The following PDHX variants were observed in gnomAD, a reference collection of about 807,000 sequenced individuals.
PDHX encodes the protein pyruvate dehydrogenase complex component X.
PDHX carries 33 observed loss-of-function variants against 55.3 expected under a neutral mutation model. That is an observed-to-expected ratio of 0.60 (90% CI 0.45 to 0.80). The LOEUF (loss-of-function observed/expected upper bound fraction) is 0.80. Ranked by LOEUF, PDHX falls within the 30% of genes least tolerant of loss-of-function variation. The pLI is 0.00. For missense variants in PDHX, 622 were observed against 619.9 expected (o/e 1.00, Z -0.04); for synonymous variants, 226 against 219.4 (o/e 1.03, Z -0.27).
intron 2 of PDHX, among the ~76,000 whole-genome samples, chr11:34,934,617 G>T (rs1854262646): frequency 9.1e-6 from 1 of 109,784 alleles, no homozygotes; most frequent in Non-Finnish European, 1.7e-5. Flanking sequence ...TCACTCTGTT[G>T]CCCAGCCTGG....
At chr11:34,949,852 A>G (rs1439221565) in intron 3 of PDHX, among the ~76,000 whole-genome samples, 1 of 152,192 alleles carries the variant, frequency 6.6e-6, no homozygotes, top group Non-Finnish European at 1.5e-5. Context: ...CTAGCAATAT[A>G]TTTATTGATA....
chr11:34,952,540 G>A (rs186234756), intron 3 of PDHX, among the ~76,000 whole-genome samples: 6 of 150,046 alleles, frequency 4.0e-5, no homozygotes, highest in Admixed American at 2.6e-4. Context: ...TTCAAGATAC[G>A]CAAATCAATA....
At chr11:34,915,988 C>A (rs1853672138), upstream of PDHX, 1 of 588,564 alleles carries the variant, frequency 1.7e-6, no homozygotes, top group Admixed American at 3.1e-5. Context: ...TTCTTTCCAA[C>A]GTTTGGCGCC....
At chr11:34,972,260 A>G (rs1026995439) in intron 7 of PDHX, among the ~76,000 whole-genome samples, 4 of 149,888 alleles carry the variant, frequency 2.7e-5, no homozygotes, top group Non-Finnish European at 5.9e-5. Context: ...CTTTCAGTTT[A>G]CTTTGCTCTT....
At chr11:34,916,027 G>A (rs1853673671), upstream of PDHX, 1 of 661,674 alleles carries the variant, frequency 1.5e-6, no homozygotes, top group Admixed American at 3.1e-5. Flanking sequence ...CGCCCCGCCC[G>A]AGACCACTGA....
At chr11:34,932,049 A>G (rs915899829) in intron 2 of PDHX, among the ~76,000 whole-genome samples, 2 of 152,188 alleles carry the variant, frequency 1.3e-5, no homozygotes, top group African/African-American at 2.4e-5. Context: ...TAGAGAATAA[A>G]GAAATAGATG....
In PDHX at chr11:34,966,660, A is replaced by G. The variant is rs996382530; in HGVS notation, c.662A>G (p.Gln221Arg). The change falls in exon 6 of 11, where the codon CAG becomes CGG. Residue 221 changes from glutamine (Q) to arginine (R), a missense_variant. Gln to Arg is a conservative substitution (Grantham distance 43). Transcript: ENST00000227868. ...TCCAGGGATGCTCTCAAACTTGTCC[A>G]GTTGAAACAAACGGGCAAGATTACC... ...FTKEDALKLV[Q>R]LKQTGKITES... is the part of the protein sequence containing the mutation. The G allele has an allele frequency of 2.4e-5, 39 of 1,613,972 alleles. No individual in the cohort carries two copies. Among genetic ancestry groups the G allele is most frequent in the Non-Finnish European group, 3.1e-5 (36 of 1,180,018 alleles).
intron 3 of PDHX, among the ~76,000 whole-genome samples, chr11:34,952,562 A>G (rs10734430): frequency 0.8 from 120,168 of 149,554 alleles, 48,475 homozygotes; most frequent in African/African-American, 0.84. Context: ...ATGTAATCCA[A>G]CATATACACA....
chr11:34,966,289 A>T (rs1855129300), intron 5 of PDHX, among the ~76,000 whole-genome samples: 1 of 152,216 alleles, frequency 6.6e-6, no homozygotes, highest in Non-Finnish European at 1.5e-5. Flanking sequence ...TTATTTCATG[A>T]GTATAAAGGA....
At chr11:34,992,271 A>G (rs554076084) in intron 9 of PDHX, 44 bp from the exon 10 acceptor site, 5 of 1,091,246 alleles carry the variant, frequency 4.6e-6, no homozygotes, top group East Asian at 2.4e-5. Context: ...GATCAACTGT[A>G]TAACATTTTG....
chr11:34,989,283 G>T (rs191487527), intron 9 of PDHX, among the ~76,000 whole-genome samples: 1 of 152,224 alleles, frequency 6.6e-6, no homozygotes, highest in Non-Finnish European at 1.5e-5. Flanking sequence ...ATGACTGCAT[G>T]TATAGAGTTC....
intron 1 of PDHX, among the ~76,000 whole-genome samples, chr11:34,924,687 G>GT (rs1016912627): frequency 1.4e-4 from 21 of 152,004 alleles, no homozygotes; most frequent in African/African-American, 5.1e-4. Context: ...TTCTCCTTGA[G>GT]TTTTTTTAAA....
chr11:34,927,638 C>G (rs1415085076), intron 1 of PDHX, among the ~76,000 whole-genome samples: 1 of 151,966 alleles, frequency 6.6e-6, no homozygotes, highest in Non-Finnish European at 1.5e-5. Flanking sequence ...ATATAGTGTT[C>G]TAATCAAAAG....
chr11:34,965,653 T>C (rs901675950), intron 5 of PDHX, among the ~76,000 whole-genome samples: 3 of 152,146 alleles, frequency 2.0e-5, no homozygotes, highest in African/African-American at 7.2e-5. Context: ...GCAGGAATAT[T>C]GGGGCCATCT....
intron 9 of PDHX, among the ~76,000 whole-genome samples, chr11:34,990,547 A>T (rs186684181): frequency 1.9e-3 from 292 of 152,298 alleles, no homozygotes; most frequent in Non-Finnish European, 3.2e-3. Flanking sequence ...GTAGTTCATC[A>T]GGATATGTTG....
rs774151027 is a variant in PDHX, at chr11:34,957,463, T to A, written c.422T>A (p.Val141Asp). Residue 141 changes from valine (V) to aspartate (D), a missense_variant, in exon 4 of 11, where the codon GTT becomes GAT. Coordinates refer to ENST00000227868, the MANE Select transcript of PDHX (RefSeq NM_003477.3). ...GAAGAAGGAGAAGATTGGAAACATG[T>A]TGAAATTCCCAAAGACGTAGGTCCT... ...IVEEGEDWKH[V>D]EIPKDVGPPP... The A allele has an allele frequency of 1.2e-6, 2 of 1,613,736 alleles. No homozygotes were observed. Among genetic ancestry groups the A allele is most frequent in the South Asian group, 1.1e-5 (1 of 91,076 alleles).
At chr11:34,971,627 A>T (rs1174446888) in intron 7 of PDHX, among the ~76,000 whole-genome samples, 1 of 152,204 alleles carries the variant, frequency 6.6e-6, no homozygotes, top group Non-Finnish European at 1.5e-5. Flanking sequence ...TATTCCTCAT[A>T]TAAAATCCAC....
chr11:34,937,085 G>A (rs1854340432), intron 2 of PDHX, among the ~76,000 whole-genome samples: 1 of 152,126 alleles, frequency 6.6e-6, no homozygotes, highest in Non-Finnish European at 1.5e-5. Context: ...TGCCTGGGCA[G>A]GAAGTGGTTT....
chr11:34,971,803 T>C (rs1206848535), intron 7 of PDHX, among the ~76,000 whole-genome samples: 1 of 152,168 alleles, frequency 6.6e-6, no homozygotes, highest in Non-Finnish European at 1.5e-5. Flanking sequence ...AAACATGTCC[T>C]CCTCCTTTAT....
Sources: allele counts gnomAD v4.1 joint callset (sites outside exome capture counted in the v4.1 genomes callset), GRCh38; gene constraint gnomAD v4.1.1; transcripts MANE v1.5; gene names NCBI Gene and HGNC (gene_info 2026-07-23, HGNC 2026-07-21).